Variants in STMN3 observed in about 807,000 individuals in gnomAD.
STMN3 encodes stathmin-3.
In STMN3, 24 loss-of-function variants were observed where a neutral mutation model predicts 23.2. That is an observed-to-expected ratio of 1.03 (90% confidence interval 0.75 to 1.45). STMN3 has a LOEUF of 1.45. STMN3 is among the 40% of genes most tolerant of loss of function. STMN3 has a pLI of 0.00. For missense variants in STMN3, 235 were observed against 237.6 expected (o/e 0.99, Z 0.07); for synonymous variants, 117 against 103.4 (o/e 1.13, Z -0.80).
intron 1 of STMN3, among the ~76,000 whole-genome samples, chr20:63,647,648 A>G (rs2089819484): frequency 7.3e-6 from 1 of 137,654 alleles, no homozygotes; most frequent in Admixed American, 7.8e-5. Flanking sequence ...ATATATATAT[A>G]CATGTATATA....
chr20:63,651,167 G>C (rs2089856028), intron 1 of STMN3, among the ~76,000 whole-genome samples: 1 of 151,966 alleles, frequency 6.6e-6, no homozygotes, highest in Non-Finnish European at 1.5e-5. Context: ...CACCATGTTG[G>C]CCAGGCTAGT....
chr20:63,651,181 G>A (rs925052802), intron 1 of STMN3, among the ~76,000 whole-genome samples: 5 of 151,982 alleles, frequency 3.3e-5, no homozygotes, highest in Non-Finnish European at 5.9e-5. Flanking sequence ...GGCTAGTCTC[G>A]AACTCTTGAC....
intron 1 of STMN3, among the ~76,000 whole-genome samples, chr20:63,650,827 G>A (rs1484362674): frequency 2.6e-5 from 1 of 39,104 alleles, no homozygotes; most frequent in Non-Finnish European, 4.8e-5. Flanking sequence ...CACCCCTCCC[G>A]CCGCCCAGGT....
intron 1 of STMN3, among the ~76,000 whole-genome samples, chr20:63,651,277 G>A (rs1327561585): frequency 6.6e-6 from 1 of 152,190 alleles, no homozygotes; most frequent in Non-Finnish European, 1.5e-5. Flanking sequence ...TACAGAGGAG[G>A]AATGAAGGCT....
intron 1 of STMN3, among the ~76,000 whole-genome samples, chr20:63,648,328 G>A (rs1259011180): frequency 6.6e-6 from 1 of 152,038 alleles, no homozygotes; most frequent in Non-Finnish European, 1.5e-5. Flanking sequence ...GTCCTGAGAG[G>A]ATAAGAAGGT....
At chr20:63,643,176 T>A (rs2089782415) in intron 3 of STMN3, among the ~76,000 whole-genome samples, 2 of 152,126 alleles carry the variant, frequency 1.3e-5, no homozygotes, top group Admixed American at 1.3e-4. Context: ...CCCCCTAGCA[T>A]CCTGCTGGCC....
At chr20:63,647,460 A>G (rs1183507938) in intron 1 of STMN3, among the ~76,000 whole-genome samples, 2 of 148,400 alleles carry the variant, frequency 1.3e-5, no homozygotes, top group Non-Finnish European at 3.0e-5. Flanking sequence ...ACTAAAAATA[A>G]CAAAAATTAG....
At chr20:63,653,152 C>T (rs1290481538) in intron 1 of STMN3, among the ~76,000 whole-genome samples, 175 bp downstream of exon 1, 4 of 151,444 alleles carry the variant, frequency 2.6e-5, no homozygotes, top group Admixed American at 2.6e-4. Context: ...CAGCGCCCCA[C>T]CAGCCCCGCC....
chr20:63,643,597 T>C (rs1426140310), intron 3 of STMN3, 159 bp downstream of exon 3: 2 of 981,086 alleles, frequency 2.0e-6, no homozygotes, highest in Non-Finnish European at 2.4e-6. Context: ...CATCCCATTC[T>C]TATCTCTCAG....
chr20:63,646,275 TG>T (rs1272676883), intron 1 of STMN3, among the ~76,000 whole-genome samples: 2 of 151,824 alleles, frequency 1.3e-5, no homozygotes, highest in Non-Finnish European at 2.9e-5. Flanking sequence ...CTACCTGTCT[TG>T]GTCATTGTCT....
Position 63,642,245 on chromosome 20 carries a change from C to G in STMN3, c.346G>C (p.Glu116Gln). 1 of 1,550,436 alleles carries G rather than the reference C, an allele frequency of 6.4e-7. No homozygotes were observed. Among genetic ancestry groups the G allele is most frequent in the Admixed American group, 1.9e-5 (1 of 51,756 alleles). ...TCCTCCAGCGCCTTGTGCAGCACCT[C>G]GCGCTCGTGCTCGCGCCGCTCCGCC... is the stretch of plus-strand genomic sequence containing the variant. ...QLAERREHER[E>Q]VLHKALEENN... is the part of the protein sequence containing the mutation. Residue 116 changes from glutamate to glutamine, a missense_variant, in exon 4 of 5, where the codon GAG (glutamate) becomes CAG (glutamine). Physicochemically the swap from Glu to Gln is conservative, Grantham distance 29. Coordinates refer to ENST00000370053, the MANE Select transcript of STMN3 (RefSeq NM_015894.4).
chr20:63,651,753 T>G (rs950048106), intron 1 of STMN3, among the ~76,000 whole-genome samples: 2 of 152,066 alleles, frequency 1.3e-5, no homozygotes, highest in African/African-American at 4.8e-5. Flanking sequence ...TCCTGAGAGG[T>G]TAGGCAGCTC....
intron 1 of STMN3, 72 bp downstream of exon 1, chr20:63,653,255 C>T (rs1157472136): frequency 2.6e-6 from 4 of 1,515,988 alleles, no homozygotes; most frequent in Non-Finnish European, 3.6e-6. Flanking sequence ...CCGGCCGCTG[C>T]CCCAGGCGAG....
chr20:63,645,733 A>G (rs2089803946), intron 1 of STMN3, among the ~76,000 whole-genome samples: 1 of 152,186 alleles, frequency 6.6e-6, no homozygotes. Context: ...CAGGTGGAAC[A>G]CCTGAGGTCA....
In STMN3 at chr20:63,648,267, G is replaced by A. The variant is rs73920915; in HGVS notation, c.20-3958C>T. Among the ~76,000 whole-genome samples the A allele has an allele frequency of 8.4e-3, 1,274 of 151,972 alleles. 18 individuals carry two copies. Among genetic ancestry groups the A allele is most frequent in the African/African-American group, 0.029 (1,222 of 41,426 alleles). The stretch of plus-strand genomic sequence containing the variant: ...TGGCCAACCCTGTGCTCAGGAGGAC[G>A]GGGGAGGGAGAGAGCAAGAGGGAGT... On this transcript the variant is annotated intron_variant, in intron 1 of 4. Coordinates refer to ENST00000370053, the MANE Select transcript of STMN3 (RefSeq NM_015894.4).
At chr20:63,648,285 G>C (rs1170941321) in intron 1 of STMN3, among the ~76,000 whole-genome samples, 1 of 152,024 alleles carries the variant, frequency 6.6e-6, no homozygotes, top group Non-Finnish European at 1.5e-5. Flanking sequence ...GAGAGAGCAA[G>C]AGGGAGTTTG....
intron 1 of STMN3, among the ~76,000 whole-genome samples, chr20:63,644,783 C>T (rs1336957919): frequency 6.6e-6 from 1 of 152,216 alleles, no homozygotes; most frequent in African/African-American, 2.4e-5. Context: ...ACTCCCTCAC[C>T]TTCCATCATG....
chr20:63,648,515 C>T (rs930376884), intron 1 of STMN3, among the ~76,000 whole-genome samples: 2 of 152,156 alleles, frequency 1.3e-5, no homozygotes, highest in Non-Finnish European at 2.9e-5. Flanking sequence ...GCAGGAGGAT[C>T]GCTTGAGAAC....
In STMN3 at chr20:63,652,672, C is replaced by G; in HGVS notation, c.19+655G>C. On this transcript the variant is annotated intron_variant, in intron 1 of 4. Transcript: ENST00000370053. This position sits in a 1 kb window ranked among gnomAD's most constrained non-coding sequence, Gnocchi z 5.3. ...TTGGGGATCGCAGTCGCCCCTCCCC[C>G]ATCCAGACCCCGCGGCGCAAAGGGC... 1.0e-6 allele frequency: 1 copy of G among 985,794 alleles called. No homozygotes were observed. Among genetic ancestry groups the G allele is most frequent in the Non-Finnish European group, 1.2e-6 (1 of 830,216 alleles). 61.1% of individuals were successfully genotyped at this position (985,794 alleles called of 1,614,324 possible).
Sources: allele counts gnomAD v4.1 joint callset (sites outside exome capture counted in the v4.1 genomes callset), GRCh38; gene constraint gnomAD v4.1.1; non-coding constraint Gnocchi (gnomAD v3.1); transcripts MANE v1.5; gene names NCBI Gene and HGNC (gene_info 2026-07-23, HGNC 2026-07-21).